Variants in GPI observed in about 807,000 individuals in gnomAD.
The protein encoded by GPI is D-hexose-6-phosphate anomerase.
GPI carries 56 observed loss-of-function variants against 75.8 expected under a neutral mutation model. The ratio of observed to expected loss-of-function variants is 0.74; its 90% CI spans 0.60 to 0.92. The LOEUF (loss-of-function observed/expected upper bound fraction) is 0.92. GPI is among the 40% of genes least tolerant of loss of function. The pLI is 0.00. For synonymous variants in GPI, 288 were observed against 285.4 expected (o/e 1.01, Z -0.09); for missense variants, 638 against 741.0 (o/e 0.86, Z 1.61).
chr19:34,391,895 G>C (rs796472353), intron 9 of GPI, among the ~76,000 whole-genome samples: 2 of 730 alleles, frequency 2.7e-3, no homozygotes, highest in Middle Eastern at 0.5. Flanking sequence ...TGTCTGAGGA[G>C]GCAGTATCTG....
chr19:34,381,485 G>A lies in GPI; in HGVS notation c.770G>A (p.Gly257Glu). ...TTGTAGACCAAAGTGAAGGAGTTTGGAATTGACCCTCAAAACATGTTCGAG... is the reference window on the plus strand; with the variant it reads ...TTGTAGACCAAAGTGAAGGAGTTTGAAATTGACCCTCAAAACATGTTCGAG... ...STNTTKVKEF[G>E]IDPQNMFEFW... is the part of the protein sequence containing the mutation. Residue 257 changes from glycine (G) to glutamate (E), a missense_variant, in exon 9 of 18, where the codon GGA becomes GAA. Coordinates refer to ENST00000356487, the MANE Select transcript of GPI (RefSeq NM_000175.5). 1 of 1,608,414 alleles carries A rather than the reference G, an allele frequency of 6.2e-7. No homozygotes were observed. The highest frequency in any genetic ancestry group is 8.5e-7 in the Non-Finnish European group (1 of 1,175,016).
chr19:34,362,227 C>T (rs1318283114), upstream of GPI, among the ~76,000 whole-genome samples: 2 of 151,318 alleles, frequency 1.3e-5, no homozygotes, highest in Non-Finnish European at 2.9e-5. Context: ...GTGGAGGTTG[C>T]AGGGAAGCAG....
intron 3 of GPI, 49 bp from the exon 4 acceptor site, chr19:34,368,534 T>C: frequency 6.2e-7 from 1 of 1,611,546 alleles, no homozygotes; most frequent in East Asian, 2.2e-5. Context: ...GGAGCATGGC[T>C]GCCTGGGGTT....
chr19:34,362,797 C>T (rs2074308004), upstream of GPI, among the ~76,000 whole-genome samples: 1 of 152,192 alleles, frequency 6.6e-6, no homozygotes, highest in Non-Finnish European at 1.5e-5. Flanking sequence ...TGACAGGCAG[C>T]TTAACACCAT....
Position 34,400,867 on chromosome 19 carries a change from C to T in GPI, c.*831C>T, listed in dbSNP as rs539152330. 1.6e-4 allele frequency: 52 copies of T among 326,630 alleles called. No individual in the cohort carries two copies. The highest frequency in any genetic ancestry group is 8.2e-4 in the Middle Eastern group (1 of 1,216). The allele number at this position is 326,630 out of a possible 1,614,324, so 20.2% of individuals were successfully genotyped here. ...AGCCTCCCGAGTAGCTGGGATTACA[C>T]GGCGCACACCACCATACCCAGCTAA... On this transcript the variant is annotated 3_prime_UTR_variant, in exon 18 of 18. Coordinates refer to ENST00000356487, the MANE Select transcript of GPI (RefSeq NM_000175.5).
chr19:34,373,045 T>G (rs902383943), intron 4 of GPI, among the ~76,000 whole-genome samples: 1 of 151,980 alleles, frequency 6.6e-6, no homozygotes, highest in Non-Finnish European at 1.5e-5. Context: ...GTGCTGGGAT[T>G]ATAGGCGTGA....
At chr19:34,377,936 G>C in intron 6 of GPI, 55 bp downstream of exon 6, 1 of 1,582,656 alleles carries the variant, frequency 6.3e-7, no homozygotes, top group Non-Finnish European at 8.7e-7. Flanking sequence ...GGGGTGGGGA[G>C]GGACAGCTGT....
upstream of GPI, chr19:34,365,153 C>G: frequency 8.1e-7 from 1 of 1,233,370 alleles, no homozygotes; most frequent in Non-Finnish European, 1.0e-6. Context: ...CGGGCCGGGC[C>G]GGGCGCCTGC....
intron 6 of GPI, 26 bp from the exon 7 acceptor site, chr19:34,378,908 C>T (rs2074595630): frequency 6.2e-7 from 1 of 1,600,040 alleles, no homozygotes; most frequent in Admixed American, 1.7e-5. Flanking sequence ...AGCTCGGGCG[C>T]CCACTGCTGT....
chr19:34,364,518 C>G (rs1195273920), upstream of GPI, among the ~76,000 whole-genome samples: 1 of 151,740 alleles, frequency 6.6e-6, no homozygotes, highest in Non-Finnish European at 1.5e-5. Flanking sequence ...AATACAGGCA[C>G]GTGTCACCAG....
chr19:34,390,718 A>G (rs1261996475), intron 9 of GPI, among the ~76,000 whole-genome samples: 2 of 150,744 alleles, frequency 1.3e-5, no homozygotes, highest in East Asian at 3.9e-4. Context: ...AGGTATGAGG[A>G]TCTGGGTCTT....
chr19:34,385,212 G>A (rs1041362132), intron 9 of GPI, among the ~76,000 whole-genome samples: 4 of 152,114 alleles, frequency 2.6e-5, no homozygotes, highest in South Asian at 2.1e-4. Flanking sequence ...AGCTGGGTGT[G>A]GTGGCACACG....
At chr19:34,367,208 C>T (rs1305737741) in intron 3 of GPI, 6 of 377,274 alleles carry the variant, frequency 1.6e-5, no homozygotes, top group South Asian at 1.3e-4. Flanking sequence ...AAGACTTCAG[C>T]CTACTCAAGC....
chr19:34,372,295 CTTATT>C (rs964930365), intron 4 of GPI, among the ~76,000 whole-genome samples: 1 of 152,162 alleles, frequency 6.6e-6, no homozygotes, highest in African/African-American at 2.4e-5. Context: ...AGTTGAACAA[CTTATT>C]TTATTTCTTT....
At position 34,400,444 on chromosome 19, in the gene GPI, G is replaced by A. The variant is rs1399267059; in HGVS notation, c.*408G>A. The A allele has an allele frequency of 6.9e-6, 4 of 583,476 alleles. No homozygotes were observed. The highest frequency in any genetic ancestry group is 9.1e-6 in the Non-Finnish European group (3 of 330,680). The allele number at this position is 583,476 out of a possible 1,614,324, so 36.1% of individuals were successfully genotyped here. On this transcript the variant is annotated 3_prime_UTR_variant, in exon 18 of 18. Transcript: ENST00000356487. ...CTCTGCGGACACTTAACACTAAGTGGTGAGCGGGTCTAGAGTGGAGCAAGG... is the reference window on the plus strand; with the variant it reads ...CTCTGCGGACACTTAACACTAAGTGATGAGCGGGTCTAGAGTGGAGCAAGG...
At chr19:34,396,232 T>C (rs2074942159) in intron 12 of GPI, 69 bp from the exon 13 acceptor site, 2 of 1,578,404 alleles carry the variant, frequency 1.3e-6, no homozygotes, top group East Asian at 4.5e-5. Flanking sequence ...GCCACTGCGC[T>C]CAGCCTCTTT....
intron 6 of GPI, among the ~76,000 whole-genome samples, chr19:34,378,519 C>G (rs1185970186): frequency 1.3e-5 from 2 of 152,176 alleles, no homozygotes; most frequent in East Asian, 3.9e-4. Context: ...CCCAGCCATG[C>G]TTGCTCCTTT....
At chr19:34,364,655 G>A (rs942549759), upstream of GPI, 10 of 299,592 alleles carry the variant, frequency 3.3e-5, no homozygotes, top group Admixed American at 1.5e-4. Context: ...TGAGATTACA[G>A]GCGTGAGCCA....
upstream of GPI, chr19:34,364,888 G>A (rs965175452): frequency 7.0e-6 from 9 of 1,280,842 alleles, no homozygotes; most frequent in African/African-American, 1.2e-4. Context: ...GCCGACTAGT[G>A]CACAGGGAGT....
Sources: allele counts gnomAD v4.1 joint callset (sites outside exome capture counted in the v4.1 genomes callset), GRCh38; gene constraint gnomAD v4.1.1; transcripts MANE v1.5; gene names NCBI Gene and HGNC (gene_info 2026-07-23, HGNC 2026-07-21).